SMAP1: variants seen among roughly 807,000 people sequenced by gnomAD.
SMAP1 encodes the protein small ArfGAP 1, also known as stromal membrane-associated protein 1.
SMAP1 carries 24 observed loss-of-function variants against 58.5 expected under a neutral mutation model. The ratio of observed to expected loss-of-function variants is 0.41; its 90% confidence interval spans 0.30 to 0.58. The LOEUF (loss-of-function observed/expected upper bound fraction) is 0.58. Among genes scored for constraint, SMAP1 ranks in the 20% least tolerant of loss-of-function variants. The probability of loss-of-function intolerance (pLI) is 0.29; values close to 1 mark genes in which losing one functional copy is unlikely to be tolerated. For synonymous variants in SMAP1, 216 were observed against 196.6 expected, an observed-to-expected ratio of 1.10 and a Z score of -0.82; for missense variants, 563 against 566.3, an observed-to-expected ratio of 0.99 and a Z score of 0.06.
At chr6:70,764,411 C>G (rs545986566) in intron 3 of SMAP1, among the ~76,000 whole-genome samples, 1 of 152,304 alleles carries the variant, frequency 6.6e-6, no homozygotes, top group Non-Finnish European at 1.5e-5. Flanking sequence ...GAAGTCAATG[C>G]CTGGCTTCAG....
At chr6:70,842,199 G>A (rs1770830089) in intron 7 of SMAP1, among the ~76,000 whole-genome samples, 1 of 152,216 alleles carries the variant, frequency 6.6e-6, no homozygotes, top group African/African-American at 2.4e-5. Flanking sequence ...ATGTTTTTCA[G>A]AGATGGTTTA....
intron 2 of SMAP1, among the ~76,000 whole-genome samples, chr6:70,750,220 A>G (rs79614421): frequency 6.6e-6 from 1 of 152,288 alleles, no homozygotes; most frequent in East Asian, 1.9e-4. Flanking sequence ...TGTTGACATA[A>G]AACAGTGATT....
intron 3 of SMAP1, among the ~76,000 whole-genome samples, chr6:70,766,651 T>G (rs948683336): frequency 2.0e-5 from 3 of 152,328 alleles, no homozygotes; most frequent in East Asian, 1.9e-4. Flanking sequence ...TATTAGCCCT[T>G]TGTCAGATGA....
rs1204885835 is a variant in SMAP1 at position 70,668,276 on chromosome 6, G to A, written c.118+135G>A. 2 of 882,626 alleles carry A rather than the reference G, an allele frequency of 2.3e-6. No homozygotes were observed. Among genetic ancestry groups the A allele is most frequent in the African/African-American group, 1.8e-5 (1 of 55,832 alleles). The allele number at this position is 882,626 out of a possible 1,614,324, so 54.7% of individuals were successfully genotyped here. A position where few individuals can be genotyped will look rare whatever the true frequency, so the allele number is the denominator to read the frequency against. On this transcript the variant is annotated intron_variant, in intron 1 of 10. Coordinates refer to ENST00000370455, the MANE Select transcript of SMAP1 (RefSeq NM_001044305.3). ...TCCTGCCCTGACTGGAGGGCGGGTGGCTGAGCGGGCGGGCGCGGGGCTCCT... is the reference window on the plus strand; with the variant it reads ...TCCTGCCCTGACTGGAGGGCGGGTGACTGAGCGGGCGGGCGCGGGGCTCCT...
At chr6:70,682,188 T>TG (rs1220751892) in intron 1 of SMAP1, among the ~76,000 whole-genome samples, 2,902 of 93,392 alleles carry the variant, frequency 0.031, 53 homozygotes, top group Non-Finnish European at 0.046. Flanking sequence ...TTTTTTTTTT[T>TG]TTTTTTTTTT....
intron 6 of SMAP1, among the ~76,000 whole-genome samples, chr6:70,835,516 G>C (rs1166552273): frequency 6.6e-6 from 1 of 152,020 alleles, no homozygotes; most frequent in Non-Finnish European, 1.5e-5. Flanking sequence ...ATTTCATTTT[G>C]TTTTTAAGAG....
chr6:70,799,667 A>G (rs987612069), intron 6 of SMAP1, among the ~76,000 whole-genome samples: 2 of 152,212 alleles, frequency 1.3e-5, no homozygotes, highest in Non-Finnish European at 2.9e-5. Context: ...GTATATAAGA[A>G]AGAAGATCCA....
chr6:70,669,676 CAAG>C (rs1035455832), intron 1 of SMAP1, among the ~76,000 whole-genome samples: 1 of 151,980 alleles, frequency 6.6e-6, no homozygotes, highest in Non-Finnish European at 1.5e-5. Flanking sequence ...TTTAAAAGGC[CAAG>C]AAGAAGAAAG....
At chr6:70,796,960 G>A (rs901217923) in intron 5 of SMAP1, among the ~76,000 whole-genome samples, 5 of 152,084 alleles carry the variant, frequency 3.3e-5, no homozygotes, top group African/African-American at 1.2e-4. Context: ...TTGTTGCAAA[G>A]CAATATACCA....
chr6:70,747,919 A>G (rs1304997692), intron 2 of SMAP1, among the ~76,000 whole-genome samples: 1 of 152,220 alleles, frequency 6.6e-6, no homozygotes, highest in African/African-American at 2.4e-5. Flanking sequence ...CTAATTCCAC[A>G]TCATCATTAA....
chr6:70,732,027 C>T (rs967847876), intron 1 of SMAP1, among the ~76,000 whole-genome samples: 14 of 151,932 alleles, frequency 9.2e-5, no homozygotes, highest in Admixed American at 2.0e-4. Context: ...TAATCTTGTG[C>T]ATATCTTATG....
rs70990333 is a variant in SMAP1, at chr6:70,792,326, ATTTT to A, written c.495+570_495+573del. 5.9e-3 allele frequency among the ~76,000 whole-genome samples: 826 copies of A among 140,200 alleles called. 10 individuals carry two copies. The highest frequency in any genetic ancestry group is 0.021 in the African/African-American group (788 of 38,312). 92.0% of individuals were successfully genotyped at this position (140,200 alleles called of 152,430 possible). Reference sequence around the variant, plus strand: ...TTTCATTTCTTTTGACTCTTTACCTATTTTTTTTTTTTTTTTGTTACATTGGCCT... The same window carrying A: ...TTTCATTTCTTTTGACTCTTTACCTATTTTTTTTTTTTGTTACATTGGCCT... On this transcript the variant is annotated intron_variant, in intron 5 of 10. Transcript: ENST00000370455.
chr6:70,781,039 G>T (rs1767741930), intron 4 of SMAP1, among the ~76,000 whole-genome samples: 1 of 152,162 alleles, frequency 6.6e-6, no homozygotes, highest in Non-Finnish European at 1.5e-5. Flanking sequence ...TAAGAAAAAT[G>T]AATACTCAAA....
chr6:70,691,319 G>A (rs561131928), intron 1 of SMAP1, among the ~76,000 whole-genome samples: 4 of 151,802 alleles, frequency 2.6e-5, no homozygotes, highest in East Asian at 3.9e-4. Context: ...ATTTTTATGG[G>A]TACATATAAT....
intron 1 of SMAP1, among the ~76,000 whole-genome samples, chr6:70,675,114 G>A (rs997641889): frequency 6.7e-6 from 1 of 149,136 alleles, no homozygotes; most frequent in Non-Finnish European, 1.5e-5. Flanking sequence ...TAGAGATAGG[G>A]TAGCTCCATT....
intron 2 of SMAP1, among the ~76,000 whole-genome samples, chr6:70,754,632 G>A (rs1766409777): frequency 6.6e-6 from 1 of 152,062 alleles, no homozygotes; most frequent in Non-Finnish European, 1.5e-5. Flanking sequence ...CGGGAGCATT[G>A]TTCAAGTGGT....
At chr6:70,783,289 G>A (rs554017379) in intron 4 of SMAP1, among the ~76,000 whole-genome samples, 6 of 152,270 alleles carry the variant, frequency 3.9e-5, no homozygotes, top group African/African-American at 9.6e-5. Flanking sequence ...ATCCACACCA[G>A]AAACCCATCT....
chr6:70,727,086 G>A (rs1451381156), intron 1 of SMAP1, among the ~76,000 whole-genome samples: 1 of 151,910 alleles, frequency 6.6e-6, no homozygotes. Flanking sequence ...TTTACCTGCT[G>A]TGTAACTTGA....
At position 70,793,104 on chromosome 6, in the gene SMAP1, G is replaced by A. The variant is rs983589566; in HGVS notation, c.495+1335G>A. 2.6e-5 allele frequency among the ~76,000 whole-genome samples: 4 copies of A among 152,122 alleles called. No individual in the cohort carries two copies. In the East Asian group the frequency reaches 5.8e-4, roughly 22 times the overall value. On this transcript the variant is annotated intron_variant, in intron 5 of 10. Transcript: ENST00000370455. ...GGCTGGACTGCAGTGGCGCGATCTC[G>A]GCTTACTGCAGCCTCCATCACCTGG...
Sources: allele counts gnomAD v4.1 joint callset (sites outside exome capture counted in the v4.1 genomes callset), GRCh38; gene constraint gnomAD v4.1.1; transcripts MANE v1.5; gene names NCBI Gene and HGNC (gene_info 2026-07-23, HGNC 2026-07-21).